TRAPPC6B: variants seen among roughly 807,000 people sequenced by gnomAD.
TRAPPC6B encodes the protein trafficking protein particle complex subunit 6B.
TRAPPC6B carries 27 observed loss-of-function variants against 24.7 expected under a neutral mutation model. That is an observed-to-expected ratio of 1.09 (90% CI 0.81 to 1.51). The LOEUF (loss-of-function observed/expected upper bound fraction) is 1.51. Among genes scored for constraint, TRAPPC6B ranks in the 40% most tolerant of loss-of-function variants. The pLI is 0.00. For synonymous variants in TRAPPC6B, 80 were observed against 66.6 expected (o/e 1.20, Z -0.98); for missense variants, 212 against 190.8 (o/e 1.11, Z -0.66).
chr14:39,153,136 C>G (rs1183955548), intron 4 of TRAPPC6B, among the ~76,000 whole-genome samples: 1 of 150,666 alleles, frequency 6.6e-6, no homozygotes, highest in Non-Finnish European at 1.5e-5. Context: ...ACTAAAGATA[C>G]AAAAAATTAG....
rs745749510 is a variant in TRAPPC6B, at chr14:39,170,110, T to C, written c.-15A>G. ...TCATCCGCCATTTCCTGCTAATTCT[T>C]CCAAGCTTCGAGTTTTGGCTCCCGT... On this transcript the variant is annotated 5_prime_UTR_variant, in exon 1 of 6. Transcript: ENST00000330149. The C allele has an allele frequency of 2.5e-6, 4 of 1,613,982 alleles. No individual in the cohort carries two copies. The South Asian group carries it at 4.4e-5, about 18-fold the overall frequency.
Position 39,170,160 on chromosome 14 carries a change from TCGCGCCTCAGCGACTTCGCCGGCGC to T in TRAPPC6B, c.-90_-66del. ...TTTGAGCTGGTCTGGGGGTTCCAGC[TCGCGCCTCAGCGACTTCGCCGGCGC>T]CGCGGCTCCGTCAGGCCGCCATTCT... is the stretch of plus-strand genomic sequence containing the variant. On this transcript the variant is annotated 5_prime_UTR_variant, in exon 1 of 6. Coordinates refer to ENST00000330149, the MANE Select transcript of TRAPPC6B (RefSeq NM_001079537.2). The T allele has an allele frequency of 6.4e-7, 1 of 1,556,608 alleles. No homozygotes were observed. The highest frequency in any genetic ancestry group is 8.8e-7 in the Non-Finnish European group (1 of 1,136,928).
intron 1 of TRAPPC6B, 150 bp from the exon 2 acceptor site, chr14:39,159,700 G>T: frequency 4.2e-6 from 2 of 477,904 alleles, no homozygotes; most frequent in South Asian, 6.5e-5. Context: ...TTATAAGGTT[G>T]ATTTTATTTA....
chr14:39,165,521 C>T (rs1351855296), intron 1 of TRAPPC6B, among the ~76,000 whole-genome samples: 1 of 152,118 alleles, frequency 6.6e-6, no homozygotes, highest in East Asian at 1.9e-4. Flanking sequence ...TGAGGCCAGG[C>T]GCAGTGCTCA....
intron 1 of TRAPPC6B, among the ~76,000 whole-genome samples, chr14:39,161,968 G>T (rs982380984): frequency 6.6e-6 from 1 of 152,142 alleles, no homozygotes; most frequent in African/African-American, 2.4e-5. Context: ...TTCTGGCAGC[G>T]TTAATAACCT....
intron 4 of TRAPPC6B, among the ~76,000 whole-genome samples, 186 bp downstream of exon 4, chr14:39,154,025 C>G (rs1017546795): frequency 5.3e-5 from 8 of 152,178 alleles, no homozygotes; most frequent in Non-Finnish European, 1.2e-4. Context: ...TAATTGGTCA[C>G]TCTATGACTA....
chr14:39,162,727 A>C (rs1353364671), intron 1 of TRAPPC6B, among the ~76,000 whole-genome samples: 1 of 152,178 alleles, frequency 6.6e-6, no homozygotes, highest in East Asian at 1.9e-4. Flanking sequence ...GCCTTAAATC[A>C]TGAGATTGCT....
chr14:39,154,294 C>T lies in TRAPPC6B; in HGVS notation c.268G>A (p.Gly90Ser). 6.2e-7 allele frequency: 1 copy of T among 1,605,736 alleles called. No homozygotes were observed. Among genetic ancestry groups the T allele is most frequent in the Non-Finnish European group, 8.5e-7 (1 of 1,174,476 alleles). Residue 90 changes from glycine to serine, a missense_variant and splice_region_variant, in exon 4 of 6, where the codon GGC becomes AGC. Coordinates refer to ENST00000330149, the MANE Select transcript of TRAPPC6B (RefSeq NM_001079537.2). Reference protein sequence around the residue: ...QIDNLRTNHQGIYVLQDNKFR... With the variant: ...QIDNLRTNHQSIYVLQDNKFR... ...TTGTTGTCCTGAAGTACATAGATGCCCTGTTCCAAAAATAGAAAAAAAATC... is the reference window on the plus strand; with the variant it reads ...TTGTTGTCCTGAAGTACATAGATGCTCTGTTCCAAAAATAGAAAAAAAATC...
chr14:39,154,289 G>A lies in TRAPPC6B; in HGVS notation c.273C>T (p.Ile91=). The part of the protein sequence containing the change: ...IDNLRTNHQG[I]YVLQDNKFRL... ...GAAATTTGTTGTCCTGAAGTACATAGATGCCCTGTTCCAAAAATAGAAAAA... is the reference window on the plus strand; with the variant it reads ...GAAATTTGTTGTCCTGAAGTACATAAATGCCCTGTTCCAAAAATAGAAAAA... The change falls in exon 4 of 6, where the codon ATC becomes ATT. Residue 91 remains isoleucine, a synonymous_variant. Coordinates refer to ENST00000330149, the MANE Select transcript of TRAPPC6B (RefSeq NM_001079537.2). 6.2e-7 allele frequency: 1 copy of A among 1,608,698 alleles called. No individual in the cohort carries two copies. The highest frequency in any genetic ancestry group is 8.5e-7 in the Non-Finnish European group (1 of 1,176,332).
In TRAPPC6B at chr14:39,159,906, T is replaced by C. The variant is rs533801208; in HGVS notation, c.82-356A>G. ...GGGGCCATCTCGGCTCACTGCAACC[T>C]CCATCTACAGGGTTCAAGTGATTCT... On this transcript the variant is annotated intron_variant, in intron 1 of 5. Coordinates refer to ENST00000330149, the MANE Select transcript of TRAPPC6B (RefSeq NM_001079537.2). Among the ~76,000 whole-genome samples the C allele has an allele frequency of 2.8e-4, 42 of 152,228 alleles. No homozygotes were observed. The East Asian group carries it at 7.3e-3, about 27-fold the overall frequency.
chr14:39,162,546 T>C lies in TRAPPC6B; in HGVS notation c.82-2996A>G, dbSNP rs550300298. 2.0e-5 allele frequency among the ~76,000 whole-genome samples: 3 copies of C among 152,282 alleles called. No homozygotes were observed. In the South Asian group the frequency reaches 6.2e-4, roughly 32 times the overall value. On this transcript the variant is annotated intron_variant, in intron 1 of 5. Transcript: ENST00000330149. The stretch of plus-strand genomic sequence containing the variant: ...CTAATTACTCCTCGTCTCCCTTTTA[T>C]CCCAATTTCAATCATTCTTCTCTCC...
intron 1 of TRAPPC6B, among the ~76,000 whole-genome samples, 171 bp from the exon 2 acceptor site, chr14:39,159,721 C>T (rs1181207091): frequency 1.3e-5 from 2 of 151,078 alleles, no homozygotes; most frequent in African/African-American, 2.4e-5. Flanking sequence ...TTTTACTTTA[C>T]TTTTACTTAC....
At chr14:39,167,072 C>T (rs1490568157) in intron 1 of TRAPPC6B, among the ~76,000 whole-genome samples, 1 of 152,230 alleles carries the variant, frequency 6.6e-6, no homozygotes, top group East Asian at 1.9e-4. Flanking sequence ...CAGACACTTT[C>T]AAATCCTATG....
At chr14:39,166,065 GT>G (rs2053104987) in intron 1 of TRAPPC6B, among the ~76,000 whole-genome samples, 2 of 151,788 alleles carry the variant, frequency 1.3e-5, no homozygotes, top group Admixed American at 1.3e-4. Context: ...GCCTCCCAAA[GT>G]GCTAGGATTA....
At chr14:39,154,001 G>A (rs771902314) in intron 4 of TRAPPC6B, among the ~76,000 whole-genome samples, 11 of 152,000 alleles carry the variant, frequency 7.2e-5, no homozygotes, top group Non-Finnish European at 1.0e-4. Context: ...CATAGCGCCC[G>A]GCCAGTGTTT....
At chr14:39,166,755 T>C (rs2053112624) in intron 1 of TRAPPC6B, among the ~76,000 whole-genome samples, 2 of 152,124 alleles carry the variant, frequency 1.3e-5, no homozygotes, top group Non-Finnish European at 2.9e-5. Flanking sequence ...AAAAGGCCTT[T>C]TGAGATGTCT....
intron 5 of TRAPPC6B, 41 bp from the exon 6 acceptor site, chr14:39,150,422 A>G: frequency 7.0e-7 from 1 of 1,428,872 alleles, no homozygotes; most frequent in South Asian, 1.3e-5. Context: ...TTTTAGATAC[A>G]AAGAAAACAA....
At chr14:39,159,787 T>C (rs1301711939) in intron 1 of TRAPPC6B, among the ~76,000 whole-genome samples, 1 of 152,132 alleles carries the variant, frequency 6.6e-6, no homozygotes, top group Non-Finnish European at 1.5e-5. Context: ...AGTCAACATA[T>C]ACATGATTAA....
At chr14:39,164,117 G>GCT (rs2053084628) in intron 1 of TRAPPC6B, among the ~76,000 whole-genome samples, 1 of 143,304 alleles carries the variant, frequency 7.0e-6, no homozygotes, top group African/African-American at 3.0e-5. Context: ...TTTCCAACTG[G>GCT]TCTTGTCTCA....
Sources: allele counts gnomAD v4.1 joint callset (sites outside exome capture counted in the v4.1 genomes callset), GRCh38; gene constraint gnomAD v4.1.1; transcripts MANE v1.5; gene names NCBI Gene and HGNC (gene_info 2026-07-23, HGNC 2026-07-21).